PTMA: variants seen among roughly 807,000 people sequenced by gnomAD.
PTMA encodes prothymosin alpha.
PTMA carries 4 observed loss-of-function variants against 16.9 expected under a neutral mutation model. That is an observed-to-expected ratio of 0.24 (90% CI 0.12 to 0.54). The LOEUF is 0.54. PTMA is among the 20% of genes least tolerant of loss of function. PTMA has a pLI of 0.95. For synonymous variants in PTMA, 58 were observed against 47.9 expected, an observed-to-expected ratio of 1.21 and a Z score of -0.87; for missense variants, 120 against 137.7, an observed-to-expected ratio of 0.87 and a Z score of 0.64.
At chr2:231,711,198 G>T (rs1342546446) in intron 1 of PTMA, 150 bp from the exon 2 acceptor site, 16 of 641,676 alleles carry the variant, frequency 2.5e-5, no homozygotes, top group Non-Finnish European at 4.4e-5. Context: ...GTGGGAGAGG[G>T]ACCGCAGGGG....
chr2:231,711,161 C>A, intron 1 of PTMA, 187 bp from the exon 2 acceptor site: 1 of 530,552 alleles, frequency 1.9e-6, no homozygotes, highest in East Asian at 3.1e-5. Context: ...ACAGATGCCC[C>A]CCGCCGGCCT....
rs1465245197 is a variant in PTMA, at chr2:231,711,815, G to A, written c.118-75G>A. On this transcript the variant is annotated intron_variant, in intron 2 of 4. Transcript: ENST00000409115. ...TGCAGCCGCCAGCCTCTGGTGGGAG[G>A]CCGGGCATCAGGAGCAACGCTCTGT... 9 of 1,576,994 alleles carry A rather than the reference G, an allele frequency of 5.7e-6. No homozygotes were observed. In the African/African-American group the frequency reaches 8.2e-5, roughly 14 times the overall value.
Position 231,713,516 on chromosome 2 carries a change from T to G in PTMA, c.*665T>G, listed in dbSNP as rs2048547572. 3 of 415,788 alleles carry G rather than the reference T, an allele frequency of 7.2e-6. No individual in the cohort carries two copies. The highest frequency in any genetic ancestry group is 1.5e-5 in the Non-Finnish European group (3 of 205,212). 25.8% of individuals were successfully genotyped at this position (415,788 alleles called of 1,614,324 possible). A position where few individuals can be genotyped will look rare whatever the true frequency, so the allele number is the denominator to read the frequency against. On this transcript the variant is annotated 3_prime_UTR_variant, in exon 5 of 5. Transcript: ENST00000409115. ...TGTTGTCCAACAATAAACAGGAATT[T>G]TATTTTGCTGAGTTGTTCTAACAAA...
At chr2:231,710,271 A>T in intron 1 of PTMA, 7 of 1,314,360 alleles carry the variant, frequency 5.3e-6, no homozygotes, top group Non-Finnish European at 6.8e-6. Context: ...GTGCCACTGC[A>T]AGCTCTGCCT....
chr2:231,711,697 G>A, intron 2 of PTMA, 193 bp from the exon 3 acceptor site: 2 of 1,061,230 alleles, frequency 1.9e-6, no homozygotes, highest in South Asian at 1.7e-5. Flanking sequence ...CCCTTGTCCT[G>A]GGGCAGTTAA....
At chr2:231,709,287 A>G (rs886198645) in intron 1 of PTMA, among the ~76,000 whole-genome samples, 11 of 152,102 alleles carry the variant, frequency 7.2e-5, no homozygotes, top group African/African-American at 2.6e-4. Context: ...CTAAGTCCCG[A>G]TAAGGCGGAT....
chr2:231,712,732 C>A, intron 4 of PTMA, 72 bp from the exon 5 acceptor site: 1 of 1,524,620 alleles, frequency 6.6e-7, no homozygotes, highest in Admixed American at 2.1e-5. Flanking sequence ...GCTCTGCCAG[C>A]AGGAGCTGAG....
chr2:231,708,795 CGCTCG>C, intron 1 of PTMA, 44 bp downstream of exon 1: 1 of 1,590,322 alleles, frequency 6.3e-7, no homozygotes, highest in East Asian at 2.2e-5. Flanking sequence ...CGCGCGCCGC[CGCTCG>C]GGCGGTGTTT....
At chr2:231,708,858 C>A in intron 1 of PTMA, 107 bp downstream of exon 1, 1 of 1,334,426 alleles carries the variant, frequency 7.5e-7, no homozygotes, top group South Asian at 1.3e-5. Context: ...CTCCCTCTCG[C>A]GGGGAAACGG....
intron 1 of PTMA, 99 bp downstream of exon 1, chr2:231,708,850 C>T (rs559457467): frequency 1.3e-4 from 178 of 1,410,806 alleles, no homozygotes; most frequent in Middle Eastern, 4.2e-4. Flanking sequence ...CGCTGTTGCT[C>T]CCTCTCGCGG....
chr2:231,708,528 C>G lies in PTMA; in HGVS notation c.-179C>G. The G allele has an allele frequency of 1.4e-6, 1 of 721,896 alleles. No homozygotes were observed. Among genetic ancestry groups the G allele is most frequent in the South Asian group, 1.5e-5 (1 of 65,866 alleles). 44.7% of individuals were successfully genotyped at this position (721,896 alleles called of 1,614,324 possible). On this transcript the variant is annotated 5_prime_UTR_variant, in exon 1 of 5. Coordinates refer to ENST00000409115, the MANE Select transcript of PTMA (RefSeq NM_002823.5). ...AAGCTTCTGGCGCCGCGTGAGTCCC[C>G]CACTGGCTGCTCTGAAAAGCCATCT... is the stretch of plus-strand genomic sequence containing the variant.
intron 4 of PTMA, 26 bp from the exon 5 acceptor site, chr2:231,712,778 G>T (rs1012194233): frequency 9.5e-6 from 15 of 1,585,872 alleles, no homozygotes; most frequent in African/African-American, 1.3e-5. Flanking sequence ...GGTTGGAGGG[G>T]CCTTTGACAG....
chr2:231,710,862 C>T (rs904109432), intron 1 of PTMA, among the ~76,000 whole-genome samples: 2 of 152,220 alleles, frequency 1.3e-5, no homozygotes, highest in Non-Finnish European at 2.9e-5. Flanking sequence ...GCCTCGCGGG[C>T]CTTCCAGGCT....
chr2:231,709,863 C>T (rs887196389), intron 1 of PTMA: 3 of 263,116 alleles, frequency 1.1e-5, no homozygotes, highest in Non-Finnish European at 2.1e-5. Context: ...GTCACCTTGG[C>T]GTCTCCTTAA....
chr2:231,711,015 G>A, intron 1 of PTMA: 3 of 263,338 alleles, frequency 1.1e-5, no homozygotes, highest in South Asian at 9.1e-5. Flanking sequence ...GTGAGTGTCC[G>A]GGGCTCGTCC....
intron 1 of PTMA, chr2:231,711,035 G>A: frequency 3.6e-6 from 1 of 280,266 alleles, no homozygotes; most frequent in East Asian, 8.9e-5. Flanking sequence ...CACCCGGCCG[G>A]ACGGGCTGGG....
At position 231,711,934 on chromosome 2, in the gene PTMA, AGAAGAGGAAGAAGGT is replaced by A. The variant is rs1345813171; in HGVS notation, c.164_178del (p.Glu55_Gly59del). ...AGGAGGCTGACAATGAGGTAGACGA[AGAAGAGGAAGAAGGT>A]GGGGAGGAAGAGGAGGAGGAAGAAG... On this transcript the variant is annotated inframe_deletion, in exon 3 of 5. Coordinates refer to ENST00000409115, the MANE Select transcript of PTMA (RefSeq NM_002823.5). 1 of 1,601,314 alleles carries A rather than the reference AGAAGAGGAAGAAGGT, an allele frequency of 6.2e-7. No homozygotes were observed. Among genetic ancestry groups the A allele is most frequent in the African/African-American group, 1.3e-5 (1 of 74,598 alleles).
chr2:231,710,218 CGTCGA>C (rs2048498823), intron 1 of PTMA: 1 of 1,343,220 alleles, frequency 7.4e-7, no homozygotes, highest in Non-Finnish European at 9.7e-7. Flanking sequence ...GGCAGTGGGG[CGTCGA>C]GTCGAGAGCC....
At chr2:231,710,619 T>C (rs187482608) in intron 1 of PTMA, 343 of 472,510 alleles carry the variant, frequency 7.3e-4, no homozygotes, top group African/African-American at 6.7e-3. Flanking sequence ...TGGAAAAAGT[T>C]ACCGGGCGCC....
Sources: gnomAD v4.1 joint callset for allele counts (sites outside exome capture counted in the v4.1 genomes callset) on GRCh38, gnomAD v4.1.1 for gene constraint, MANE v1.5 for transcripts, NCBI Gene and HGNC (gene_info 2026-07-23, HGNC 2026-07-21) for gene names.